SLC30A8: variants seen among roughly 807,000 people sequenced by gnomAD.
The protein encoded by SLC30A8 is solute carrier family 30 member 8.
In SLC30A8, 27 loss-of-function variants were observed where a neutral mutation model predicts 36.9. That is an observed-to-expected ratio of 0.73 (90% CI 0.54 to 1.01). The LOEUF (loss-of-function observed/expected upper bound fraction) is 1.01, where lower values mean the gene tolerates loss of function less well. SLC30A8 is among the 50% of genes least tolerant of loss of function. SLC30A8 has a pLI of 0.00. For missense variants in SLC30A8, 439 were observed against 452.0 expected, an observed-to-expected ratio of 0.97 and a Z score of 0.26; for synonymous variants, 164 against 172.4, an observed-to-expected ratio of 0.95 and a Z score of 0.38.
chr8:116,999,585 A>G (rs559224011), intron 1 of SLC30A8, among the ~76,000 whole-genome samples: 32 of 152,354 alleles, frequency 2.1e-4, no homozygotes, highest in African/African-American at 7.5e-4. Flanking sequence ...AGAAAAACCA[A>G]TGGAATCAGC....
intron 2 of SLC30A8, among the ~76,000 whole-genome samples, chr8:117,086,643 G>A (rs1465614899): frequency 6.6e-6 from 1 of 152,130 alleles, no homozygotes; most frequent in Non-Finnish European, 1.5e-5. Context: ...CCTTGATCCA[G>A]CAGCTGCCAA....
At chr8:117,138,755 C>T (rs1416923336) in intron 1 of SLC30A8, among the ~76,000 whole-genome samples, 2 of 151,916 alleles carry the variant, frequency 1.3e-5, no homozygotes, top group African/African-American at 4.8e-5. Context: ...AGACTAGGGA[C>T]TACGATCCGT....
chr8:117,051,827 T>A (rs1451603498), intron 2 of SLC30A8, among the ~76,000 whole-genome samples: 5 of 149,666 alleles, frequency 3.3e-5, no homozygotes, highest in East Asian at 4.0e-4. Context: ...TAAAAAAAAA[T>A]AAAAAAAATA....
intron 1 of SLC30A8, among the ~76,000 whole-genome samples, chr8:117,032,532 G>C (rs1191927745): frequency 6.6e-6 from 1 of 152,118 alleles, no homozygotes; most frequent in Admixed American, 6.6e-5. Context: ...CATGTTTTGG[G>C]CATGTGCCTG....
chr8:116,975,162 C>T (rs1164359027), intron 1 of SLC30A8, among the ~76,000 whole-genome samples: 1 of 152,054 alleles, frequency 6.6e-6, no homozygotes, highest in Non-Finnish European at 1.5e-5. Context: ...ACATTGTGCA[C>T]ATGTACCCTA....
At chr8:116,954,204 G>T (rs2130574979) in intron 1 of SLC30A8, among the ~76,000 whole-genome samples, 1 of 152,276 alleles carries the variant, frequency 6.6e-6, no homozygotes, top group Non-Finnish European at 1.5e-5. Context: ...TATGACAGTA[G>T]AGGGCACCAG....
chr8:117,135,379 T>C lies in SLC30A8; in HGVS notation c.52T>C (p.Tyr18His), dbSNP rs201490156. The C allele has an allele frequency of 6.2e-7, 1 of 1,600,072 alleles. No homozygotes were observed. The highest frequency in any genetic ancestry group is 1.7e-5 in the Admixed American group (1 of 59,080). Residue 18 changes from tyrosine (Y) to histidine (H), a missense_variant, in exon 1 of 8, where the codon TAT (tyrosine) becomes CAT (histidine). Tyr to His is a moderately conservative substitution (Grantham distance 83). Transcript: ENST00000456015. ...TGTGAATGATAAAGCTGCCAAGATG[T>C]ATGCTTTCACACTAGAAAGGTAATA... ...YLVNDKAAKM[Y>H]AFTLESVELQ...
upstream of SLC30A8, chr8:116,950,451 A>G (rs1307704148): frequency 3.3e-5 from 5 of 152,262 alleles, no homozygotes; most frequent in East Asian, 7.7e-4. Flanking sequence ...TCTAATGCCT[A>G]GGAGACCTAC....
chr8:117,161,469 T>G (rs1168356404), intron 4 of SLC30A8, among the ~76,000 whole-genome samples: 2 of 152,230 alleles, frequency 1.3e-5, no homozygotes, highest in African/African-American at 2.4e-5. Context: ...TAAGAAGTGA[T>G]GCTTTCCAGT....
intron 1 of SLC30A8, among the ~76,000 whole-genome samples, chr8:116,999,119 C>G (rs1373601074): frequency 6.6e-6 from 1 of 152,100 alleles, no homozygotes; most frequent in Non-Finnish European, 1.5e-5. Context: ...ATTAGCCCAG[C>G]ATGATGGCGC....
chr8:117,031,512 T>G (rs146964171), intron 1 of SLC30A8, among the ~76,000 whole-genome samples: 1,978 of 151,772 alleles, frequency 0.013, 49 homozygotes, highest in African/African-American at 0.046. Context: ...CAGGCTGGAG[T>G]GCAATTGGCG....
At chr8:116,953,119 G>A (rs1431836459) in intron 1 of SLC30A8, among the ~76,000 whole-genome samples, 1 of 152,084 alleles carries the variant, frequency 6.6e-6, no homozygotes, top group Admixed American at 6.6e-5. Flanking sequence ...GTGAGAACAT[G>A]TGGTATTTGG....
chr8:117,033,010 T>C (rs1436793369), intron 1 of SLC30A8, among the ~76,000 whole-genome samples: 4 of 152,126 alleles, frequency 2.6e-5, no homozygotes, highest in Admixed American at 1.3e-4. Flanking sequence ...CTGGGCAGCA[T>C]TGGCAGCCAC....
chr8:117,117,583 T>C (rs1820499974), intron 2 of SLC30A8, among the ~76,000 whole-genome samples: 1 of 152,014 alleles, frequency 6.6e-6, no homozygotes, highest in African/African-American at 2.4e-5. Context: ...AAATAGAATT[T>C]CAGATGAATC....
chr8:117,057,764 A>G (rs577794482), intron 2 of SLC30A8, among the ~76,000 whole-genome samples: 3 of 152,268 alleles, frequency 2.0e-5, no homozygotes, highest in South Asian at 2.1e-4. Context: ...ACACTACACT[A>G]TATTTTTAAA....
intron 1 of SLC30A8, among the ~76,000 whole-genome samples, chr8:116,976,378 C>A (rs80331259): frequency 0.02 from 3,095 of 152,006 alleles, 109 homozygotes; most frequent in African/African-American, 0.071. Flanking sequence ...CCGATGTAAG[C>A]CAGACCCAAA....
chr8:117,053,056 G>A (rs1817758654), intron 2 of SLC30A8, among the ~76,000 whole-genome samples: 2 of 151,982 alleles, frequency 1.3e-5, no homozygotes, highest in African/African-American at 4.8e-5. Flanking sequence ...TGGAACTGCA[G>A]GCACCCACCA....
intron 2 of SLC30A8, among the ~76,000 whole-genome samples, chr8:117,042,732 GTGGCA>G (rs1450484547): frequency 6.6e-6 from 1 of 151,690 alleles, no homozygotes; most frequent in Admixed American, 6.6e-5. Flanking sequence ...CTGGAGTGCA[GTGGCA>G]TGATCTTGGA....
intron 2 of SLC30A8, among the ~76,000 whole-genome samples, chr8:117,081,870 A>G (rs1299786692): frequency 6.6e-6 from 1 of 152,228 alleles, no homozygotes. Context: ...GCCGATTCAC[A>G]ACAATGGGTT....
Sources: gnomAD v4.1 joint callset for allele counts (sites outside exome capture counted in the v4.1 genomes callset) on GRCh38, gnomAD v4.1.1 for gene constraint, MANE v1.5 for transcripts, NCBI Gene and HGNC (gene_info 2026-07-23, HGNC 2026-07-21) for gene names.